Variants in GRIN2A observed in about 807,000 individuals in gnomAD.
GRIN2A encodes glutamate ionotropic receptor NMDA type subunit 2A.
In GRIN2A, 22 loss-of-function variants were observed where a neutral mutation model predicts 113.4. The ratio of observed to expected loss-of-function variants is 0.19; its 90% CI spans 0.14 to 0.28. The LOEUF (loss-of-function observed/expected upper bound fraction) is 0.28. GRIN2A is among the 10% of genes least tolerant of loss of function. The pLI is 1.00. For missense variants in GRIN2A, 1,502 were observed against 1,887.0 expected (o/e 0.80, Z 3.78); for synonymous variants, 827 against 738.4 (o/e 1.12, Z -1.94).
chr16:9,945,031 G>C (rs1376343621), intron 2 of GRIN2A, among the ~76,000 whole-genome samples: 1 of 152,092 alleles, frequency 6.6e-6, no homozygotes, highest in African/African-American at 2.4e-5. Flanking sequence ...TCAATAAATA[G>C]AACAATTGGC....
At chr16:10,157,704 C>A (rs1412972714) in intron 2 of GRIN2A, among the ~76,000 whole-genome samples, 1 of 152,120 alleles carries the variant, frequency 6.6e-6, no homozygotes, top group African/African-American at 2.4e-5. Flanking sequence ...GGGAAACAGC[C>A]CCCACGATCA....
chr16:10,154,031 T>C (rs185173612), intron 2 of GRIN2A, among the ~76,000 whole-genome samples: 1 of 152,320 alleles, frequency 6.6e-6, no homozygotes, highest in East Asian at 1.9e-4. Context: ...ATTAATGCTG[T>C]CCACCCCACA....
intron 2 of GRIN2A, among the ~76,000 whole-genome samples, chr16:10,052,180 A>G (rs1359464579): frequency 2.6e-5 from 4 of 152,240 alleles, no homozygotes; most frequent in African/African-American, 7.2e-5. Flanking sequence ...TAACACAAAG[A>G]TGATCCCAAT....
chr16:10,089,845 T>G (rs2048152643), intron 2 of GRIN2A, among the ~76,000 whole-genome samples: 1 of 152,156 alleles, frequency 6.6e-6, no homozygotes, highest in Non-Finnish European at 1.5e-5. Context: ...CCCCTTGAAA[T>G]TAATTCCATC....
intron 2 of GRIN2A, among the ~76,000 whole-genome samples, chr16:9,940,052 G>C (rs1161808798): frequency 7.0e-6 from 1 of 143,608 alleles, no homozygotes; most frequent in African/African-American, 2.7e-5. Context: ...AAGAGAGAGA[G>C]AGAGAGAGAG....
At chr16:9,888,066 A>T (rs1188177049) in intron 4 of GRIN2A, among the ~76,000 whole-genome samples, 1 of 152,094 alleles carries the variant, frequency 6.6e-6, no homozygotes, top group African/African-American at 2.4e-5. Context: ...TCAGCCTCCC[A>T]AGCAGCTGGG....
intron 2 of GRIN2A, among the ~76,000 whole-genome samples, chr16:9,981,444 C>T (rs1253541015): frequency 6.6e-6 from 1 of 152,154 alleles, no homozygotes; most frequent in Non-Finnish European, 1.5e-5. Context: ...ATAACAAACC[C>T]CCATGTATCC....
chr16:10,065,693 A>G (rs1050924116), intron 2 of GRIN2A, among the ~76,000 whole-genome samples: 22 of 152,228 alleles, frequency 1.4e-4, no homozygotes, highest in Non-Finnish European at 1.6e-4. Context: ...AGTAGTGTTA[A>G]TAATTATGGA....
At chr16:10,091,958 AACTTT>A (rs1359297829) in intron 2 of GRIN2A, among the ~76,000 whole-genome samples, 3 of 152,220 alleles carry the variant, frequency 2.0e-5, no homozygotes, top group African/African-American at 7.2e-5. Context: ...CAAAATCTGT[AACTTT>A]ACTTTAAAAA....
intron 4 of GRIN2A, among the ~76,000 whole-genome samples, chr16:9,855,818 C>A (rs1339899328): frequency 6.6e-6 from 1 of 152,166 alleles, no homozygotes; most frequent in African/African-American, 2.4e-5. Flanking sequence ...CAGGATGGTT[C>A]TGAGAACCAG....
At chr16:9,845,393 A>G (rs1248083602) in intron 5 of GRIN2A, among the ~76,000 whole-genome samples, 1 of 152,194 alleles carries the variant, frequency 6.6e-6, no homozygotes, top group Non-Finnish European at 1.5e-5. Context: ...ATTCTGGAGC[A>G]CACGGGGCCT....
chr16:9,992,887 G>C (rs945419250), intron 2 of GRIN2A, among the ~76,000 whole-genome samples: 1 of 152,224 alleles, frequency 6.6e-6, no homozygotes, highest in Admixed American at 6.5e-5. Flanking sequence ...ACCCGTTCCT[G>C]CCATAATAAT....
chr16:10,098,689 A>C (rs117487575), intron 2 of GRIN2A, among the ~76,000 whole-genome samples: 1,945 of 152,324 alleles, frequency 0.013, 51 homozygotes, highest in East Asian at 0.098. Context: ...CTATTATTCT[A>C]AGTAAAGTAA....
intron 12 of GRIN2A, 105 bp downstream of exon 12, chr16:9,768,746 A>G (rs2141148857): frequency 1.2e-6 from 1 of 819,624 alleles, no homozygotes; most frequent in South Asian, 1.3e-5. Flanking sequence ...TGCCCAAGAA[A>G]GGCTGGTAAG....
At chr16:9,909,086 G>A (rs145268704) in intron 3 of GRIN2A, among the ~76,000 whole-genome samples, 287 of 152,248 alleles carry the variant, frequency 1.9e-3, no homozygotes, top group Middle Eastern at 6.8e-3. Context: ...AATTCCATGT[G>A]GCTGGGGAGG....
intron 4 of GRIN2A, among the ~76,000 whole-genome samples, 188 bp from the exon 5 acceptor site, chr16:9,850,149 C>T (rs1417190347): frequency 1.3e-5 from 2 of 152,178 alleles, no homozygotes; most frequent in Non-Finnish European, 2.9e-5. Flanking sequence ...GGGCAGTTCT[C>T]CATCCCAGCC....
chr16:10,083,353 G>A (rs1377149343), intron 2 of GRIN2A, among the ~76,000 whole-genome samples: 1 of 152,178 alleles, frequency 6.6e-6, no homozygotes, highest in African/African-American at 2.4e-5. Context: ...GCAACCATTA[G>A]GACACAATAT....
intron 2 of GRIN2A, among the ~76,000 whole-genome samples, chr16:10,143,374 C>T (rs906154414): frequency 1.3e-5 from 2 of 152,052 alleles, no homozygotes; most frequent in Non-Finnish European, 2.9e-5. Flanking sequence ...AATTCAGGAG[C>T]CATTCTACTA....
intron 3 of GRIN2A, among the ~76,000 whole-genome samples, chr16:9,902,730 A>T (rs1397213065): frequency 1.3e-5 from 2 of 151,586 alleles, no homozygotes; most frequent in Non-Finnish European, 2.9e-5. Context: ...TACAATATTT[A>T]ATTTTCTCTC....
Sources: allele counts gnomAD v4.1 joint callset (sites outside exome capture counted in the v4.1 genomes callset), GRCh38; gene constraint gnomAD v4.1.1; transcripts MANE v1.5; gene names NCBI Gene and HGNC (gene_info 2026-07-23, HGNC 2026-07-21).